The following TCF12 variants were observed in gnomAD, a reference collection of about 807,000 sequenced individuals.
TCF12 encodes the protein transcription factor 12, also known as DNA-binding protein HTF4.
In TCF12, 45 loss-of-function variants were observed where a neutral mutation model predicts 86.0. The ratio of observed to expected loss-of-function variants is 0.52; its 90% CI spans 0.41 to 0.67. The LOEUF (loss-of-function observed/expected upper bound fraction) is 0.67, where lower values mean the gene tolerates loss of function less well. Ranked by LOEUF, TCF12 falls within the 30% of genes least tolerant of loss-of-function variation. TCF12 has a pLI of 0.00. For synonymous variants in TCF12, 330 were observed against 299.6 expected, an observed-to-expected ratio of 1.10 and a Z score of -1.05; for missense variants, 881 against 859.9, an observed-to-expected ratio of 1.02 and a Z score of -0.31.
intron 13 of TCF12, among the ~76,000 whole-genome samples, chr15:57,248,472 T>G (rs1328746208): frequency 3.3e-5 from 5 of 152,258 alleles, no homozygotes; most frequent in African/African-American, 1.2e-4. Context: ...AGCAAAGTCA[T>G]CCTTTGCCTT....
intron 4 of TCF12, among the ~76,000 whole-genome samples, chr15:57,084,768 T>G (rs1166446403): frequency 3.3e-5 from 5 of 151,882 alleles, no homozygotes; most frequent in African/African-American, 1.2e-4. Flanking sequence ...AGGGAGAAAA[T>G]TGTATATTAA....
chr15:57,019,769 A>G (rs943267606), intron 3 of TCF12, among the ~76,000 whole-genome samples: 3 of 152,106 alleles, frequency 2.0e-5, no homozygotes, highest in Non-Finnish European at 4.4e-5. Flanking sequence ...GGATGTCACA[A>G]ATCTTGTGAC....
intron 5 of TCF12, among the ~76,000 whole-genome samples, chr15:57,153,114 G>C (rs939417404): frequency 6.6e-6 from 1 of 152,092 alleles, no homozygotes; most frequent in Non-Finnish European, 1.5e-5. Flanking sequence ...TAAAAAAGAG[G>C]ATAAAGACTT....
At chr15:57,205,763 T>A (rs12440729) in intron 8 of TCF12, among the ~76,000 whole-genome samples, 6,135 of 152,334 alleles carry the variant, frequency 0.04, 376 homozygotes, top group Admixed American at 0.17. Flanking sequence ...TAACCACTGT[T>A]CAGAACAGTG....
At chr15:56,974,757 C>T (rs1423209512) in intron 3 of TCF12, among the ~76,000 whole-genome samples, 1 of 152,022 alleles carries the variant, frequency 6.6e-6, no homozygotes, top group African/African-American at 2.4e-5. Context: ...GTTAGGATTC[C>T]AGCCCTAAAT....
chr15:57,109,356 G>T (rs2050337762), intron 5 of TCF12: 2 of 151,800 alleles, frequency 1.3e-5, no homozygotes, highest in African/African-American at 2.4e-5. Context: ...TGAGACATCC[G>T]GTCTTTAAAA....
intron 5 of TCF12, among the ~76,000 whole-genome samples, chr15:57,122,772 A>G (rs2151298132): frequency 6.6e-6 from 1 of 152,376 alleles, no homozygotes; most frequent in East Asian, 1.9e-4. Flanking sequence ...ATTTAGAAAA[A>G]TGTGTATTCA....
intron 3 of TCF12, among the ~76,000 whole-genome samples, chr15:57,013,686 G>A (rs763519518): frequency 6.6e-6 from 1 of 152,090 alleles, no homozygotes; most frequent in Non-Finnish European, 1.5e-5. Flanking sequence ...GAAGTAAGAG[G>A]ATTTCTTCCA....
chr15:57,125,403 C>G (rs1670083937), intron 5 of TCF12, among the ~76,000 whole-genome samples: 1 of 152,094 alleles, frequency 6.6e-6, no homozygotes, highest in African/African-American at 2.4e-5. Context: ...TAGGATGCAC[C>G]CAGTTAACTT....
chr15:56,961,542 G>A (rs529715860), intron 3 of TCF12, among the ~76,000 whole-genome samples: 1 of 152,198 alleles, frequency 6.6e-6, no homozygotes, highest in Admixed American at 6.5e-5. Context: ...TATGGTAAAT[G>A]TTAATAAATG....
At chr15:57,222,724 GAAAGA>G (rs2058656136) in intron 8 of TCF12, among the ~76,000 whole-genome samples, 1 of 140,796 alleles carries the variant, frequency 7.1e-6, no homozygotes, top group South Asian at 2.3e-4. Context: ...GAGAGCAAAG[GAAAGA>G]AAAGTTTTGG....
intron 8 of TCF12, among the ~76,000 whole-genome samples, chr15:57,225,656 G>A (rs1206939716): frequency 6.6e-6 from 1 of 152,058 alleles, no homozygotes; most frequent in African/African-American, 2.4e-5. Flanking sequence ...TGGTTTTTAG[G>A]AAATGTCTTT....
At chr15:57,280,728 G>A (rs560220125) in intron 19 of TCF12, among the ~76,000 whole-genome samples, 19 of 152,180 alleles carry the variant, frequency 1.2e-4, no homozygotes, top group Non-Finnish European at 2.5e-4. Flanking sequence ...GGGGTGGGGT[G>A]GGGACATGGA....
At chr15:57,068,666 A>G (rs747063845) in intron 4 of TCF12, among the ~76,000 whole-genome samples, 4 of 152,176 alleles carry the variant, frequency 2.6e-5, no homozygotes, top group African/African-American at 4.8e-5. Context: ...GATTTACTAG[A>G]TTAACTAGGC....
intron 3 of TCF12, among the ~76,000 whole-genome samples, chr15:57,007,137 A>G (rs1287810601): frequency 1.3e-5 from 2 of 152,224 alleles, no homozygotes; most frequent in Admixed American, 1.3e-4. Flanking sequence ...TTCACATCGT[A>G]TGTGAAACAT....
intron 5 of TCF12, among the ~76,000 whole-genome samples, chr15:57,160,198 G>T (rs1049342900): frequency 6.6e-6 from 1 of 152,180 alleles, no homozygotes; most frequent in Non-Finnish European, 1.5e-5. Flanking sequence ...ATTTTTAAAG[G>T]AAAGAGGTTT....
At chr15:57,263,334 G>C in intron 18 of TCF12, 60 bp downstream of exon 18, 1 of 1,523,604 alleles carries the variant, frequency 6.6e-7, no homozygotes, top group Non-Finnish European at 8.9e-7. Flanking sequence ...ACATACTTGA[G>C]AAGCTGGGTG....
At chr15:57,197,152 C>CTTTGTTTTTTTTT (rs2057305963) in intron 7 of TCF12, among the ~76,000 whole-genome samples, 1 of 87,260 alleles carries the variant, frequency 1.1e-5, no homozygotes, top group Non-Finnish European at 2.1e-5. Flanking sequence ...AGAACAGCTT[C>CTTTGTTTTTTTTT]TTTTTTTTTT....
At chr15:57,275,079 C>G (rs576192599) in intron 19 of TCF12, among the ~76,000 whole-genome samples, 2 of 152,278 alleles carry the variant, frequency 1.3e-5, no homozygotes, top group South Asian at 4.1e-4. Context: ...GATCTGTCAT[C>G]TAGGCTTTCT....
Sources: allele counts gnomAD v4.1 joint callset (sites outside exome capture counted in the v4.1 genomes callset), GRCh38; gene constraint gnomAD v4.1.1; transcripts MANE v1.5; gene names NCBI Gene and HGNC (gene_info 2026-07-23, HGNC 2026-07-21).